The following RPSA2 variants were observed in gnomAD, a reference collection of about 807,000 sequenced individuals.
The protein encoded by RPSA2 is small ribosomal subunit protein uS2B.
chr19:23,784,891 C>T, the RPSA2 span, among the ~76,000 whole-genome samples: 1 of 152,166 alleles, frequency 6.6e-6, no homozygotes, highest in Non-Finnish European at 1.5e-5. Flanking sequence ...GGCTCTCTTG[C>T]AAAAATTCTG....
chr19:23,806,792 A>AC, the RPSA2 span, among the ~76,000 whole-genome samples: 1 of 151,548 alleles, frequency 6.6e-6, no homozygotes, highest in Admixed American at 6.6e-5. Context: ...CTCAAAAAAA[A>AC]AAAAAAAAAA....
At chr19:23,820,964 C>G in the RPSA2 span, among the ~76,000 whole-genome samples, 1 of 152,124 alleles carries the variant, frequency 6.6e-6, no homozygotes, top group Non-Finnish European at 1.5e-5. Flanking sequence ...TAAGATCTCT[C>G]CAGCTTGAGA....
At chr19:23,868,133 G>A in the RPSA2 span, among the ~76,000 whole-genome samples, 1 of 152,118 alleles carries the variant, frequency 6.6e-6, no homozygotes, top group African/African-American at 2.4e-5. Context: ...TAAACCAATG[G>A]GTGCATTACA....
At chr19:23,845,730 G>C in the RPSA2 span, among the ~76,000 whole-genome samples, 499 of 152,226 alleles carry the variant, frequency 3.3e-3, 2 homozygotes, top group African/African-American at 0.012. Context: ...GACCTCAGGC[G>C]ATCCACCTGC....
the RPSA2 span, among the ~76,000 whole-genome samples, chr19:23,763,594 G>C: frequency 2.0e-4 from 30 of 152,224 alleles, no homozygotes; most frequent in African/African-American, 7.2e-4. Context: ...TCCGCCTCCC[G>C]AGAAGCTGGG....
chr19:23,863,731 G>A, the RPSA2 span, among the ~76,000 whole-genome samples: 4 of 152,162 alleles, frequency 2.6e-5, no homozygotes, highest in Admixed American at 6.6e-5. Context: ...CTGGACATAT[G>A]AGCCCTTACA....
At chr19:23,778,017 T>C in the RPSA2 span, among the ~76,000 whole-genome samples, 8 of 152,204 alleles carry the variant, frequency 5.3e-5, no homozygotes, top group Non-Finnish European at 8.8e-5. Flanking sequence ...CTTCGTAGAT[T>C]CTATCCCCCA....
chr19:23,858,680 C>T, the RPSA2 span, among the ~76,000 whole-genome samples: 2 of 152,044 alleles, frequency 1.3e-5, no homozygotes, highest in African/African-American at 2.4e-5. Context: ...AGCAGCTGTG[C>T]CAATAGGAAA....
chr19:23,863,742 A>C, the RPSA2 span, among the ~76,000 whole-genome samples: 2 of 152,196 alleles, frequency 1.3e-5, no homozygotes, highest in Non-Finnish European at 2.9e-5. Context: ...AGCCCTTACA[A>C]AATTCCATTT....
chr19:23,760,038 G>T, the RPSA2 span, among the ~76,000 whole-genome samples: 3 of 152,128 alleles, frequency 2.0e-5, no homozygotes, highest in South Asian at 6.2e-4. Context: ...CTCAGTCACA[G>T]AGTCTCAGAA....
the RPSA2 span, chr19:23,819,027 C>G: frequency 6.6e-6 from 1 of 152,040 alleles, no homozygotes; most frequent in African/African-American, 2.4e-5. Flanking sequence ...AAGGGAATAG[C>G]AAAAGTAATG....
chr19:23,796,560 C>T, the RPSA2 span, among the ~76,000 whole-genome samples: 1 of 152,022 alleles, frequency 6.6e-6, no homozygotes, highest in South Asian at 2.1e-4. Flanking sequence ...TTGTACACAG[C>T]TGTGAATCTG....
the RPSA2 span, chr19:23,831,752 G>A: frequency 3.6e-6 from 1 of 278,728 alleles, no homozygotes; most frequent in African/African-American, 2.3e-5. Flanking sequence ...GGTGCACAAA[G>A]AAGGTTATAA....
chr19:23,791,656 A>G, the RPSA2 span, among the ~76,000 whole-genome samples: 1 of 152,130 alleles, frequency 6.6e-6, no homozygotes, highest in Non-Finnish European at 1.5e-5. Context: ...GATATTCCCA[A>G]ATGCCAATTT....
the RPSA2 span, among the ~76,000 whole-genome samples, chr19:23,784,889 T>C: frequency 1.3e-5 from 2 of 152,202 alleles, no homozygotes; most frequent in South Asian, 2.1e-4. Context: ...TTGGCTCTCT[T>C]GCAAAAATTC....
chr19:23,810,118 G>T, the RPSA2 span, among the ~76,000 whole-genome samples: 1 of 152,256 alleles, frequency 6.6e-6, no homozygotes, highest in East Asian at 1.9e-4. Flanking sequence ...GATAGGCTGG[G>T]TGCGGTGGCT....
At chr19:23,799,138 G>A in the RPSA2 span, 2 of 152,278 alleles carry the variant, frequency 1.3e-5, no homozygotes, top group South Asian at 4.2e-4. Context: ...AATATTTTCT[G>A]GCTGACTTGA....
At chr19:23,854,564 A>G in the RPSA2 span, among the ~76,000 whole-genome samples, 3 of 152,182 alleles carry the variant, frequency 2.0e-5, no homozygotes, top group Non-Finnish European at 4.4e-5. Context: ...GTTCTGTGGC[A>G]AGGGATTTCC....
chr19:23,803,345 A>G, the RPSA2 span, among the ~76,000 whole-genome samples: 1 of 152,168 alleles, frequency 6.6e-6, no homozygotes, highest in Non-Finnish European at 1.5e-5. Flanking sequence ...ATTTTCTGAA[A>G]CCCAAAAGCA....
Sources: allele counts gnomAD v4.1 joint callset (sites outside exome capture counted in the v4.1 genomes callset), GRCh38; gene constraint gnomAD v4.1.1; transcripts MANE v1.5; gene names NCBI Gene and HGNC (gene_info 2026-07-23, HGNC 2026-07-21).